Variants in RGS7 observed in about 807,000 individuals in gnomAD.
RGS7 encodes regulator of G protein signaling 7, also known as regulator of G-protein signaling 7.
In RGS7, 27 loss-of-function variants were observed where a neutral mutation model predicts 81.1. The ratio of observed to expected loss-of-function variants is 0.33; its 90% CI spans 0.25 to 0.46. The LOEUF is 0.46. Among genes scored for constraint, RGS7 ranks in the 20% least tolerant of loss-of-function variants. The pLI is 1.00. For synonymous variants in RGS7, 208 were observed against 207.7 expected (o/e 1.00, Z -0.01); for missense variants, 396 against 607.4 (o/e 0.65, Z 3.66).
chr1:241,295,077 T>C (rs1026536919), intron 2 of RGS7, among the ~76,000 whole-genome samples: 13 of 152,250 alleles, frequency 8.5e-5, no homozygotes, highest in Admixed American at 2.0e-4. Flanking sequence ...AGTTCCTTCC[T>C]ACTATTTTTC....
intron 4 of RGS7, among the ~76,000 whole-genome samples, chr1:240,951,836 A>T (rs1183906136): frequency 6.6e-6 from 1 of 152,168 alleles, no homozygotes; most frequent in Admixed American, 6.5e-5. Context: ...AAATCTACAC[A>T]TATCTTATTC....
intron 2 of RGS7, among the ~76,000 whole-genome samples, chr1:241,265,949 C>T (rs539892285): frequency 5.9e-5 from 9 of 152,228 alleles, no homozygotes; most frequent in Admixed American, 4.6e-4. Context: ...CATATACCAC[C>T]ATGCCCAGCT....
intron 6 of RGS7, among the ~76,000 whole-genome samples, chr1:240,928,268 A>C (rs1674808574): frequency 1.3e-5 from 2 of 151,936 alleles, no homozygotes; most frequent in South Asian, 4.2e-4. Context: ...TTCCCCAATA[A>C]ATCACCCTTT....
At chr1:240,808,386 A>G (rs142588131) in intron 14 of RGS7, among the ~76,000 whole-genome samples, 20 of 152,288 alleles carry the variant, frequency 1.3e-4, no homozygotes, top group Non-Finnish European at 2.5e-4. Context: ...CATAAAATAT[A>G]AAGGGGTTGA....
intron 2 of RGS7, among the ~76,000 whole-genome samples, chr1:241,297,670 A>G (rs986627286): frequency 2.0e-5 from 3 of 152,234 alleles, no homozygotes; most frequent in Admixed American, 2.0e-4. Context: ...GATCTACATG[A>G]AAACAATTTC....
At chr1:241,322,929 T>C (rs1573669428) in intron 2 of RGS7, among the ~76,000 whole-genome samples, 1 of 152,222 alleles carries the variant, frequency 6.6e-6, no homozygotes, top group African/African-American at 2.4e-5. Context: ...TTTGAATTTT[T>C]ATACTGTAAT....
chr1:241,244,885 C>T (rs185518966), intron 2 of RGS7, among the ~76,000 whole-genome samples: 118 of 146,168 alleles, frequency 8.1e-4, no homozygotes, highest in African/African-American at 2.8e-3. Flanking sequence ...CATGTTCTCA[C>T]TCATAGGTGG....
rs369533429 is a variant in RGS7, at chr1:241,165,756, T to G, written c.79-66994A>C. On this transcript the variant is annotated intron_variant, in intron 2 of 18. Transcript: ENST00000440928. The stretch of plus-strand genomic sequence containing the variant: ...GTAACTAACCTGAACATTGTGCACA[T>G]GTACCCTAAAACTTAAAGTATAATA... Among the ~76,000 whole-genome samples, 3 of 149,060 alleles carry G rather than the reference T, an allele frequency of 2.0e-5. No individual in the cohort carries two copies. The East Asian group carries it at 5.9e-4, about 29-fold the overall frequency.
Position 241,165,707 on chromosome 1 carries a change from T to C in RGS7, c.79-66945A>G, listed in dbSNP as rs866622448. ...ATGACGAGTTAGTGGGTGCAGCACA[T>C]CAGCATGGCACATGTATACATATGT... On this transcript the variant is annotated intron_variant, in intron 2 of 18. Coordinates refer to ENST00000440928, the MANE Select transcript of RGS7 (RefSeq NM_001364886.1). Among the ~76,000 whole-genome samples, 69 of 149,574 alleles carry C rather than the reference T, an allele frequency of 4.6e-4. No individual in the cohort carries two copies. The South Asian group carries it at 6.3e-3, about 14-fold the overall frequency.
At chr1:241,033,019 T>C (rs918210803) in intron 3 of RGS7, among the ~76,000 whole-genome samples, 7 of 152,194 alleles carry the variant, frequency 4.6e-5, no homozygotes, top group Non-Finnish European at 1.0e-4. Flanking sequence ...AGTATTGTAT[T>C]GATGAATTCT....
At chr1:241,224,380 A>T (rs1370016158) in intron 2 of RGS7, among the ~76,000 whole-genome samples, 1 of 151,962 alleles carries the variant, frequency 6.6e-6, no homozygotes, top group Non-Finnish European at 1.5e-5. Flanking sequence ...GTTTGCTGAG[A>T]ATGATGGCTT....
chr1:241,018,711 G>C (rs1466815271), intron 3 of RGS7, among the ~76,000 whole-genome samples: 2 of 151,876 alleles, frequency 1.3e-5, no homozygotes, highest in Non-Finnish European at 2.9e-5. Context: ...CTTTTTCTTG[G>C]GGCTGTGGCC....
At chr1:241,054,348 G>A (rs2061385353) in intron 3 of RGS7, among the ~76,000 whole-genome samples, 1 of 152,152 alleles carries the variant, frequency 6.6e-6, no homozygotes, top group Non-Finnish European at 1.5e-5. Context: ...CCAAACTCCT[G>A]CGTACCTCCT....
intron 2 of RGS7, among the ~76,000 whole-genome samples, chr1:241,278,657 C>T (rs2148387722): frequency 6.6e-6 from 1 of 152,284 alleles, no homozygotes; most frequent in East Asian, 1.9e-4. Context: ...TTTCCACCAG[C>T]CCACACACCT....
chr1:241,148,801 G>C (rs1003110960), intron 2 of RGS7, among the ~76,000 whole-genome samples: 1 of 152,216 alleles, frequency 6.6e-6, no homozygotes. Flanking sequence ...ATGTATGTGC[G>C]TATGCACACC....
rs570147468 is a variant in RGS7, at chr1:241,304,489, G to A, written c.78+51210C>T. ...TTTCCACTTGCAAGTGGCTCAGTAG[G>A]TTCCTGATGGTTAATAGGTTTTATC... is the stretch of plus-strand genomic sequence containing the variant. On this transcript the variant is annotated intron_variant, in intron 2 of 18. Transcript: ENST00000440928. 5.4e-4 allele frequency among the ~76,000 whole-genome samples: 82 copies of A among 152,202 alleles called. No individual in the cohort carries two copies. The South Asian group carries it at 0.016, about 30-fold the overall frequency.
At chr1:241,199,415 T>G (rs572628295) in intron 2 of RGS7, among the ~76,000 whole-genome samples, 31 of 151,142 alleles carry the variant, frequency 2.1e-4, no homozygotes, top group South Asian at 8.4e-4. Context: ...AGAGTGAGAC[T>G]GTCTCAAAAA....
intron 6 of RGS7, among the ~76,000 whole-genome samples, chr1:240,894,994 T>C (rs1668813832): frequency 6.6e-6 from 1 of 152,166 alleles, no homozygotes; most frequent in East Asian, 1.9e-4. Flanking sequence ...TGGGAGGTGT[T>C]TGGACCATGA....
intron 2 of RGS7, among the ~76,000 whole-genome samples, chr1:241,323,677 A>G (rs568835534): frequency 6.6e-6 from 1 of 152,308 alleles, no homozygotes; most frequent in East Asian, 1.9e-4. Flanking sequence ...CCTGGAGAGA[A>G]GCAGAGCTGC....
Sources: allele counts gnomAD v4.1 joint callset (sites outside exome capture counted in the v4.1 genomes callset), GRCh38; gene constraint gnomAD v4.1.1; transcripts MANE v1.5; gene names NCBI Gene and HGNC (gene_info 2026-07-23, HGNC 2026-07-21).